The following C19orf67 variants were observed in gnomAD, a reference collection of about 807,000 sequenced individuals.
C19orf67 encodes UPF0575 protein C19orf67.
A neutral mutation model predicts 41.4 loss-of-function variants in C19orf67; 28 were observed. The observed-to-expected ratio is 0.68, with a 90% CI of 0.50 to 0.93. The LOEUF is 0.93. Ranked by LOEUF, C19orf67 falls within the 40% of genes least tolerant of loss-of-function variation. C19orf67 has a pLI of 0.00. For synonymous variants in C19orf67, 242 were observed against 203.4 expected (o/e 1.19, Z -1.62); for missense variants, 421 against 467.0 (o/e 0.90, Z 0.91).
rs1334256877 is a variant in C19orf67 at position 14,085,482 on chromosome 19, G to T, written c.146C>A (p.Pro49Gln). 3.3e-6 allele frequency: 5 copies of T among 1,535,458 alleles called. No individual in the cohort carries two copies. Among genetic ancestry groups the T allele is most frequent in the Non-Finnish European group, 4.4e-6 (5 of 1,146,752 alleles). The change falls in exon 1 of 6, where the codon CCG (proline) becomes CAG (glutamine). Residue 49 changes from proline (P) to glutamine (Q), a missense_variant. Physicochemically the swap from Pro to Gln is moderately conservative, Grantham distance 76. This residue lies in a region of C19orf67 where 160 missense variants were observed against 139.2 expected (regional missense o/e 1.15). Coordinates refer to ENST00000548523, the MANE Select transcript of C19orf67 (RefSeq NM_001277378.2). ...PPGRPGNPSE[P>Q]DPEDAEGRLA... ...CCGCCCCTCGGCATCTTCAGGATCC[G>T]GCTCAGATGGGTTCCCAGGCCTGCC...
chr19:14,082,155 T>C, intron 5 of C19orf67, 147 bp from the exon 6 acceptor site: 1 of 744,352 alleles, frequency 1.3e-6, no homozygotes, highest in South Asian at 1.9e-5. Context: ...ACTTGTTTCC[T>C]TGTTGATCAG....
chr19:14,084,534 C>CA (rs1056765442), intron 1 of C19orf67, among the ~76,000 whole-genome samples: 1 of 151,176 alleles, frequency 6.6e-6, no homozygotes, highest in Admixed American at 6.6e-5. Context: ...CAAAACAAAA[C>CA]AAAAAAACCC....
intron 5 of C19orf67, 60 bp from the exon 6 acceptor site, chr19:14,082,068 A>G (rs2145724236): frequency 7.4e-7 from 1 of 1,360,212 alleles, no homozygotes; most frequent in South Asian, 1.5e-5. Context: ...GCCCCTCGGG[A>G]GTCCCTCCCT....
At chr19:14,082,690 C>G in intron 4 of C19orf67, 87 bp from the exon 5 acceptor site, 1 of 1,353,868 alleles carries the variant, frequency 7.4e-7, no homozygotes, top group Non-Finnish European at 9.9e-7. Flanking sequence ...GAGGTGGGAA[C>G]TCATCAGAAG....
chr19:14,085,532 T>G lies in C19orf67; in HGVS notation c.96A>C (p.Gly32=), dbSNP rs1469564850. The part of the protein sequence containing the change: ...DALEPGTPPC[G]DPSRSTPPGR... ...CAGGGGGCGTCGACCTGGAGGGGTC[T>G]CCGCAGGGCGGCGTCCCAGGTTCCA... The change falls in exon 1 of 6, where the codon GGA becomes GGC. Residue 32 remains glycine (G), a synonymous_variant. Coordinates refer to ENST00000548523, the MANE Select transcript of C19orf67 (RefSeq NM_001277378.2). 1 of 1,535,278 alleles carries G rather than the reference T, an allele frequency of 6.5e-7. No homozygotes were observed. The highest frequency in any genetic ancestry group is 8.7e-7 in the Non-Finnish European group (1 of 1,146,622).
rs1017557992 is a variant in C19orf67 at position 14,085,248 on chromosome 19, C to A, written c.335+45G>T. 2.9e-5 allele frequency: 43 copies of A among 1,505,114 alleles called. No homozygotes were observed. In the African/African-American group the frequency reaches 5.5e-4, roughly 19 times the overall value. 93.2% of individuals were successfully genotyped at this position (1,505,114 alleles called of 1,614,324 possible). A position where few individuals can be genotyped will look rare whatever the true frequency, so the allele number is the denominator to read the frequency against. On this transcript the variant is annotated intron_variant, in intron 1 of 5. Transcript: ENST00000548523. ...GTCACCCATCCTGTCGCCTCCCCTC[C>A]AAGTCTCCTTACCCATGGGGACCTG...
At chr19:14,083,459 G>A in intron 3 of C19orf67, 37 bp from the exon 4 acceptor site, 1 of 1,532,454 alleles carries the variant, frequency 6.5e-7, no homozygotes, top group South Asian at 1.2e-5. Context: ...GTGAGGCTGG[G>A]CCTTGGACTC....
chr19:14,082,680 G>A, intron 4 of C19orf67, 77 bp from the exon 5 acceptor site: 3 of 1,429,508 alleles, frequency 2.1e-6, no homozygotes, highest in Non-Finnish European at 2.8e-6. Flanking sequence ...TTTTGGAGTT[G>A]AGGTGGGAAC....
Position 14,083,541 on chromosome 19 carries a change from A to G in C19orf67, c.545T>C (p.Phe182Ser), listed in dbSNP as rs1263868264. ...LEQLVLMYAS[F>S]GFVDLEEMNP... ...CATCTCCTCCAGGTCCACGAACCCAAAGGAAGCGTACATGAGGACCAGCTG... is the reference window on the plus strand; with the variant it reads ...CATCTCCTCCAGGTCCACGAACCCAGAGGAAGCGTACATGAGGACCAGCTG... Residue 182 changes from phenylalanine to serine, a missense_variant, in exon 3 of 6, where the codon TTT becomes TCT. By Grantham distance (155) the Phe-to-Ser change is radical (BLOSUM62 -2). Transcript: ENST00000548523. The G allele has an allele frequency of 3.3e-6, 5 of 1,535,916 alleles. No homozygotes were observed. The South Asian group carries it at 3.6e-5, about 11-fold the overall frequency.
Position 14,083,489 on chromosome 19 carries a change from T to A in C19orf67, c.581+16A>T. The A allele has an allele frequency of 2.6e-6, 4 of 1,534,188 alleles. No individual in the cohort carries two copies. Among genetic ancestry groups the A allele is most frequent in the Non-Finnish European group, 3.5e-6 (4 of 1,145,504 alleles). Reference sequence around the variant, plus strand: ...GGACTCCTTCATCCCCCCATCTGAGTCTCCTACCATTTTACCTAAGGGGGT... The same window carrying A: ...GGACTCCTTCATCCCCCCATCTGAGACTCCTACCATTTTACCTAAGGGGGT... On this transcript the variant is annotated intron_variant, in intron 3 of 5. Transcript: ENST00000548523.
Position 14,082,023 on chromosome 19 carries a change from C to G in C19orf67, c.903-15G>C. The G allele has an allele frequency of 1.3e-6, 2 of 1,484,180 alleles. No individual in the cohort carries two copies. The highest frequency in any genetic ancestry group is 1.3e-5 in the South Asian group (1 of 78,468). 91.9% of individuals were successfully genotyped at this position (1,484,180 alleles called of 1,614,324 possible). ...GGCACAAAATCCTGGGGTGGGGGGG[C>G]CAGGGATAGACAGGCCTGGACTTGA... On this transcript the variant is annotated splice_polypyrimidine_tract_variant and intron_variant, in intron 5 of 5. Transcript: ENST00000548523.
chr19:14,082,863 T>TA (rs1976790712), intron 4 of C19orf67, among the ~76,000 whole-genome samples: 1 of 151,826 alleles, frequency 6.6e-6, no homozygotes, highest in Non-Finnish European at 1.5e-5. Context: ...TTTTTTTTTT[T>TA]AAGAGACAGA....
chr19:14,085,435 T>C lies in C19orf67; in HGVS notation c.193A>G (p.Thr65Ala). 1.3e-6 allele frequency: 2 copies of C among 1,535,788 alleles called. No individual in the cohort carries two copies. The highest frequency in any genetic ancestry group is 1.7e-6 in the Non-Finnish European group (2 of 1,146,804). Residue 65 changes from threonine (T) to alanine (A), a missense_variant, in exon 1 of 6, where the codon ACG becomes GCG. Coordinates refer to ENST00000548523, the MANE Select transcript of C19orf67 (RefSeq NM_001277378.2). ...EGRLAEARAS[T>A]SSPKPLVPRP... ...GGGACCAGAGGTTTGGGGGAAGACGTGGAGGCCCGGGCCTCAGCCAGCCGC... is the reference window on the plus strand; with the variant it reads ...GGGACCAGAGGTTTGGGGGAAGACGCGGAGGCCCGGGCCTCAGCCAGCCGC...
Position 14,081,748 on chromosome 19 carries a change from A to T in C19orf67, c.*86T>A. 1.7e-6 allele frequency: 2 copies of T among 1,189,484 alleles called. No individual in the cohort carries two copies. Among genetic ancestry groups the T allele is most frequent in the Non-Finnish European group, 2.2e-6 (2 of 889,278 alleles). 73.7% of individuals were successfully genotyped at this position (1,189,484 alleles called of 1,614,324 possible). On this transcript the variant is annotated 3_prime_UTR_variant, in exon 6 of 6. Transcript: ENST00000548523. ...CCTTTGGAAGGCGAGGCCGGGCTGC[A>T]CTGCGAGAACGAGTGAGCCCCTCCC...
At position 14,085,484 on chromosome 19, in the gene C19orf67, C is replaced by T; in HGVS notation, c.144G>A (p.Glu48=). 1 of 1,535,470 alleles carries T rather than the reference C, an allele frequency of 6.5e-7. No individual in the cohort carries two copies. The highest frequency in any genetic ancestry group is 8.7e-7 in the Non-Finnish European group (1 of 1,146,748). ...GCCCCTCGGCATCTTCAGGATCCGGCTCAGATGGGTTCCCAGGCCTGCCAG... is the reference window on the plus strand; with the variant it reads ...GCCCCTCGGCATCTTCAGGATCCGGTTCAGATGGGTTCCCAGGCCTGCCAG... ...TPPGRPGNPS[E]PDPEDAEGRL... Residue 48 remains glutamate, a synonymous_variant, in exon 1 of 6, where the codon GAG becomes GAA. Coordinates refer to ENST00000548523, the MANE Select transcript of C19orf67 (RefSeq NM_001277378.2).
At chr19:14,083,673 C>T in intron 2 of C19orf67, 60 bp downstream of exon 2, 1 of 1,522,160 alleles carries the variant, frequency 6.6e-7, no homozygotes, top group Non-Finnish European at 8.8e-7. Flanking sequence ...CCTCCACCAT[C>T]CCCACAGGCT....
chr19:14,084,009 TTTTCTGAACATC>T (rs1380598696), intron 1 of C19orf67, 132 bp from the exon 2 acceptor site: 5 of 831,026 alleles, frequency 6.0e-6, no homozygotes, highest in Non-Finnish European at 8.1e-6. Flanking sequence ...GTTTCAGGTC[TTTTCTGAACATC>T]TTTCTGGTTT....
At chr19:14,083,664 C>T in intron 2 of C19orf67, 59 bp from the exon 3 acceptor site, 1 of 1,523,712 alleles carries the variant, frequency 6.6e-7, no homozygotes, top group East Asian at 2.5e-5. Flanking sequence ...GGGCCTCCCC[C>T]TCCACCATCC....
rs543246697 is a variant in C19orf67, at chr19:14,083,441, A to C, written c.582-19T>G. 3.9e-5 allele frequency: 60 copies of C among 1,531,050 alleles called. 1 individual carries two copies. The South Asian group carries it at 6.7e-4, about 17-fold the overall frequency. The allele number at this position is 1,531,050 out of a possible 1,614,324, so 94.8% of individuals were successfully genotyped here. On this transcript the variant is annotated intron_variant, in intron 3 of 5. Coordinates refer to ENST00000548523, the MANE Select transcript of C19orf67 (RefSeq NM_001277378.2). ...GGAGATGCTGGCGAGACATGAGAGA[A>C]TGGAGGGGTGAGGCTGGGCCTTGGA...
Sources: gnomAD v4.1 joint callset for allele counts (sites outside exome capture counted in the v4.1 genomes callset) on GRCh38, gnomAD v4.1.1 for gene constraint, gnomAD v4.1.1 regional missense constraint, MANE v1.5 for transcripts, NCBI Gene and HGNC (gene_info 2026-07-23, HGNC 2026-07-21) for gene names.